PSD3: variants seen among roughly 807,000 people sequenced by gnomAD.
PSD3 encodes pleckstrin and Sec7 domain containing 3, also known as PH and SEC7 domain-containing protein 3.
In PSD3, 49 loss-of-function variants were observed where a neutral mutation model predicts 105.5. The observed-to-expected ratio is 0.46, with a 90% CI of 0.37 to 0.59. The LOEUF (loss-of-function observed/expected upper bound fraction) is 0.59. Ranked by LOEUF, PSD3 falls within the 20% of genes least tolerant of loss-of-function variation. The pLI, the probability that PSD3 is intolerant of heterozygous loss-of-function variation, is 0.00. For synonymous variants in PSD3, 557 were observed against 457.8 expected, an observed-to-expected ratio of 1.22 and a Z score of -2.77; for missense variants, 1,561 against 1,263.8, an observed-to-expected ratio of 1.24 and a Z score of -3.57.
intron 9 of PSD3, among the ~76,000 whole-genome samples, chr8:18,691,106 T>C (rs1025861716): frequency 4.6e-5 from 7 of 152,176 alleles, no homozygotes; most frequent in Admixed American, 6.5e-5. Context: ...TTTGATTCCA[T>C]CTGTTCCTCA....
intron 4 of PSD3, among the ~76,000 whole-genome samples, chr8:18,861,160 C>A (rs374980597): frequency 6.6e-6 from 1 of 152,300 alleles, no homozygotes; most frequent in East Asian, 1.9e-4. Context: ...CTGAAGGGCA[C>A]TGAAAGAACA....
intron 2 of PSD3, among the ~76,000 whole-genome samples, chr8:18,930,569 ATTTT>A (rs5889836): frequency 2.3e-4 from 30 of 133,090 alleles, no homozygotes; most frequent in Middle Eastern, 3.9e-3. Flanking sequence ...AACTTTTTCA[ATTTT>A]TTTTTTTTTT....
intron 4 of PSD3, among the ~76,000 whole-genome samples, chr8:18,859,572 G>C (rs1312757024): frequency 6.6e-6 from 1 of 152,210 alleles, no homozygotes; most frequent in Admixed American, 6.5e-5. Flanking sequence ...AAAATGTGTT[G>C]TTTAGTGTAG....
intron 4 of PSD3, chr8:18,809,037 A>G (rs568700242): frequency 1.1e-6 from 1 of 909,644 alleles, no homozygotes; most frequent in Non-Finnish European, 1.5e-6. Flanking sequence ...CGTAAGAAAC[A>G]GTGAGCCCAG....
chr8:18,629,718 C>T (rs982876432), intron 11 of PSD3, among the ~76,000 whole-genome samples: 3 of 151,840 alleles, frequency 2.0e-5, no homozygotes, highest in African/African-American at 7.3e-5. Flanking sequence ...ATACGAGAAG[C>T]AATTACTGCC....
intron 2 of PSD3, among the ~76,000 whole-genome samples, chr8:18,913,343 ATT>A (rs112163990): frequency 8.5e-4 from 126 of 147,862 alleles, no homozygotes; most frequent in African/African-American, 2.9e-3. Flanking sequence ...CAACCTGTTC[ATT>A]TTTTTTTTCT....
At chr8:18,825,866 T>C (rs888508530) in intron 4 of PSD3, among the ~76,000 whole-genome samples, 6 of 152,144 alleles carry the variant, frequency 3.9e-5, no homozygotes, top group South Asian at 2.1e-4. Context: ...TATTTCCCCC[T>C]ACAGCAAAAA....
At chr8:18,726,642 G>C (rs1803352536) in intron 9 of PSD3, among the ~76,000 whole-genome samples, 3 of 152,126 alleles carry the variant, frequency 2.0e-5, no homozygotes, top group Admixed American at 2.0e-4. Flanking sequence ...ATTAGAACAT[G>C]AACTCGATGT....
chr8:18,626,520 G>C (rs1041343734), intron 11 of PSD3, among the ~76,000 whole-genome samples: 7 of 152,016 alleles, frequency 4.6e-5, no homozygotes, highest in Non-Finnish European at 7.4e-5. Context: ...CAGCATTCAG[G>C]ATTCTCAGAA....
chr8:18,646,143 G>GCCT (rs1808019510), intron 10 of PSD3, among the ~76,000 whole-genome samples: 1 of 152,050 alleles, frequency 6.6e-6, no homozygotes, highest in Non-Finnish European at 1.5e-5. Flanking sequence ...ACTTCTTCTT[G>GCCT]CCTTAGTTTT....
At chr8:18,704,132 C>G (rs1801749487) in intron 9 of PSD3, among the ~76,000 whole-genome samples, 1 of 152,192 alleles carries the variant, frequency 6.6e-6, no homozygotes, top group South Asian at 2.1e-4. Flanking sequence ...CTTTAAAACG[C>G]TAGTAGTTCT....
rs115862042 is a variant in PSD3 at position 18,673,680 on chromosome 8, T to C, written c.2173-17995A>G. Among the ~76,000 whole-genome samples, 1,085 of 152,268 alleles carry C rather than the reference T, an allele frequency of 7.1e-3. 10 individuals are homozygous for C. The highest frequency in any genetic ancestry group is 0.024 in the African/African-American group (997 of 41,536). ...ACTTCTTCAAGCAACTGAGAAAAAG[T>C]ACATGAGAAAGTAGAGAGGGAAGAG... On this transcript the variant is annotated intron_variant, in intron 9 of 15. Coordinates refer to ENST00000327040, the MANE Select transcript of PSD3 (RefSeq NM_015310.4).
At chr8:18,893,570 T>C (rs1818949937) in intron 2 of PSD3, among the ~76,000 whole-genome samples, 1 of 152,206 alleles carries the variant, frequency 6.6e-6, no homozygotes, top group Admixed American at 6.5e-5. Flanking sequence ...AAGTGAAATG[T>C]ATCATTCCAC....
intron 10 of PSD3, among the ~76,000 whole-genome samples, chr8:18,638,575 T>C (rs986738938): frequency 1.3e-5 from 2 of 151,934 alleles, no homozygotes; most frequent in Non-Finnish European, 2.9e-5. Context: ...GGAATAAATT[T>C]AAGCAAGGAG....
rs558703431 is a variant in PSD3, at chr8:18,923,276, C to T, written c.130+12758G>A. On this transcript the variant is annotated intron_variant, in intron 2 of 15. Transcript: ENST00000327040. ...CAAAGCTGTCCTGGGCTGCATGTGG[C>T]CCATGGGCTGTGGGTTGCATAAGCT... Among the ~76,000 whole-genome samples the T allele has an allele frequency of 3.9e-5, 6 of 152,302 alleles. No homozygotes were observed. The East Asian group carries it at 7.7e-4, about 20-fold the overall frequency.
intron 12 of PSD3, among the ~76,000 whole-genome samples, chr8:18,581,642 A>G (rs1802825091): frequency 1.3e-5 from 2 of 152,060 alleles, no homozygotes; most frequent in South Asian, 2.1e-4. Flanking sequence ...GTTTTCTCCA[A>G]CCTTCACCTA....
At chr8:18,538,013 T>C (rs563994246) in intron 15 of PSD3, among the ~76,000 whole-genome samples, 2 of 152,292 alleles carry the variant, frequency 1.3e-5, no homozygotes, top group African/African-American at 2.4e-5. Context: ...AACATGGACA[T>C]GACTCCTAAA....
At chr8:18,767,094 G>T (rs957877511) in intron 8 of PSD3, among the ~76,000 whole-genome samples, 2 of 152,132 alleles carry the variant, frequency 1.3e-5, no homozygotes, top group African/African-American at 2.4e-5. Context: ...AAACGTACAG[G>T]AAAGTGTGAG....
chr8:18,768,270 A>T (rs1807202244), intron 8 of PSD3, among the ~76,000 whole-genome samples: 1 of 150,604 alleles, frequency 6.6e-6, no homozygotes, highest in Non-Finnish European at 1.5e-5. Flanking sequence ...TGAGCGACAG[A>T]GAGAGAGTCC....
Sources: gnomAD v4.1 joint callset for allele counts (sites outside exome capture counted in the v4.1 genomes callset) on GRCh38, gnomAD v4.1.1 for gene constraint, MANE v1.5 for transcripts, NCBI Gene and HGNC (gene_info 2026-07-23, HGNC 2026-07-21) for gene names.